The following LONP1 variants were observed in gnomAD, a reference collection of about 807,000 sequenced individuals.
LONP1 encodes lon protease homolog, mitochondrial.
A neutral mutation model predicts 98.5 loss-of-function variants in LONP1; 31 were observed. That is an observed-to-expected ratio of 0.31 (90% CI 0.24 to 0.42). LONP1 has a LOEUF of 0.42. LONP1 is among the 20% of genes least tolerant of loss of function. The pLI is 1.00. For missense variants in LONP1, 1,336 were observed against 1,350.6 expected, an observed-to-expected ratio of 0.99 and a Z score of 0.17; for synonymous variants, 781 against 594.7, an observed-to-expected ratio of 1.31 and a Z score of -4.56.
At chr19:5,694,294 G>A (rs2054884200) in intron 15 of LONP1, 93 bp downstream of exon 15, 10 of 1,522,366 alleles carry the variant, frequency 6.6e-6, no homozygotes, top group Non-Finnish European at 8.9e-6. Context: ...AGAGCCACCT[G>A]AGGCCCACTG....
At chr19:5,707,926 TA>T in intron 5 of LONP1, 100 bp from the exon 6 acceptor site, 1 of 1,404,992 alleles carries the variant, frequency 7.1e-7, no homozygotes, top group South Asian at 1.3e-5. Context: ...CTGTCCCCTG[TA>T]GCTATGGGCA....
chr19:5,701,034 C>G lies in LONP1; in HGVS notation c.1368-107G>C, dbSNP rs959684574. On this transcript the variant is annotated intron_variant, in intron 8 of 17. Coordinates refer to ENST00000360614, the MANE Select transcript of LONP1 (RefSeq NM_004793.4). ...AGGGGCTTGAAACCCATGTGTGGGG[C>G]TGAGCGCGGTGGCTCACGCCTGTAA... 3.1e-6 allele frequency: 4 copies of G among 1,311,416 alleles called. No homozygotes were observed. In the African/African-American group the frequency reaches 5.8e-5, roughly 19 times the overall value. The allele number at this position is 1,311,416 out of a possible 1,614,324, so 81.2% of individuals were successfully genotyped here.
At chr19:5,718,578 C>A (rs2055363005) in intron 1 of LONP1, among the ~76,000 whole-genome samples, 1 of 152,012 alleles carries the variant, frequency 6.6e-6, no homozygotes, top group Non-Finnish European at 1.5e-5. Context: ...CCCTTCCCAA[C>A]AGATCCTTGA....
chr19:5,693,913 C>T, intron 15 of LONP1, 144 bp from the exon 16 acceptor site: 2 of 694,366 alleles, frequency 2.9e-6, no homozygotes. Context: ...CCATCGTGAG[C>T]CAACGCTGGC....
intron 1 of LONP1, chr19:5,714,755 T>TTG (rs1314163626): frequency 1.3e-5 from 2 of 151,934 alleles, no homozygotes; most frequent in African/African-American, 4.9e-5. Context: ...GTAGCTGGGA[T>TTG]TACAGGCGCC....
Position 5,691,874 on chromosome 19 carries a change from CACTCTGATTAAGCCG to C in LONP1, c.*143_*157del. 1.2e-6 allele frequency: 1 copy of C among 843,950 alleles called. No individual in the cohort carries two copies. The highest frequency in any genetic ancestry group is 1.8e-6 in the Non-Finnish European group (1 of 553,618). The allele number at this position is 843,950 out of a possible 1,614,324, so 52.3% of individuals were successfully genotyped here. A position where few individuals can be genotyped will look rare whatever the true frequency, so the allele number is the denominator to read the frequency against. ...TAATCATTAAATAGCTTCTATGCCA[CACTCTGATTAAGCCG>C]ACTGAGGTCCCTGGGATCTGGGTCA... On this transcript the variant is annotated 3_prime_UTR_variant, in exon 18 of 18. Coordinates refer to ENST00000360614, the MANE Select transcript of LONP1 (RefSeq NM_004793.4).
intron 14 of LONP1, 52 bp from the exon 15 acceptor site, chr19:5,694,604 G>T (rs542849522): frequency 1.3e-6 from 2 of 1,516,600 alleles, no homozygotes; most frequent in Admixed American, 3.4e-5. Flanking sequence ...TGACAGGTGC[G>T]GGGTGGTGGG....
At chr19:5,693,972 G>A (rs938585396) in intron 15 of LONP1, among the ~76,000 whole-genome samples, 6 of 152,154 alleles carry the variant, frequency 3.9e-5, no homozygotes, top group African/African-American at 1.4e-4. Context: ...GCCCCACAGG[G>A]CAGCCCCCAG....
In LONP1 at chr19:5,691,955, C is replaced by G; in HGVS notation, c.*77G>C. 1 of 883,014 alleles carries G rather than the reference C, an allele frequency of 1.1e-6. No homozygotes were observed. Among genetic ancestry groups the G allele is most frequent in the Non-Finnish European group, 1.6e-6 (1 of 613,588 alleles). The allele number at this position is 883,014 out of a possible 1,614,324, so 54.7% of individuals were successfully genotyped here. A position where few individuals can be genotyped will look rare whatever the true frequency, so the allele number is the denominator to read the frequency against. Reference sequence around the variant, plus strand: ...CGCTCGGTGGCTCCACTGCCAGGTCCGGGCGCGCTCCCCACAGCGCTCAGT... The same window carrying G: ...CGCTCGGTGGCTCCACTGCCAGGTCGGGGCGCGCTCCCCACAGCGCTCAGT... On this transcript the variant is annotated 3_prime_UTR_variant, in exon 18 of 18. Transcript: ENST00000360614.
chr19:5,714,308 AG>A, intron 1 of LONP1, 37 bp from the exon 2 acceptor site: 2 of 1,454,490 alleles, frequency 1.4e-6, no homozygotes, highest in Non-Finnish European at 1.9e-6. Flanking sequence ...AATGCAGAGT[AG>A]ATTTTTTTTT....
At chr19:5,718,095 A>G (rs918131304) in intron 1 of LONP1, among the ~76,000 whole-genome samples, 4 of 152,088 alleles carry the variant, frequency 2.6e-5, no homozygotes, top group African/African-American at 9.7e-5. Context: ...AGCCAAAGGA[A>G]TAACTTGCTG....
intron 4 of LONP1, among the ~76,000 whole-genome samples, chr19:5,710,054 G>A (rs914450840): frequency 2.6e-5 from 4 of 151,410 alleles, no homozygotes; most frequent in African/African-American, 9.7e-5. Flanking sequence ...AGCTGCCCAG[G>A]ACAGTGTAGC....
chr19:5,700,126 T>G (rs1192380005), intron 9 of LONP1, among the ~76,000 whole-genome samples: 1 of 152,078 alleles, frequency 6.6e-6, no homozygotes, highest in East Asian at 2.0e-4. Context: ...TTTTTTTTCC[T>G]TTTTGAGACG....
intron 13 of LONP1, 93 bp downstream of exon 13, chr19:5,695,961 G>C: frequency 8.9e-7 from 1 of 1,128,558 alleles, no homozygotes. Context: ...TCTCTCCCGG[G>C]CCCAGGAGCT....
Position 5,696,704 on chromosome 19 carries a change from G to A in LONP1, c.1739C>T (p.Thr580Ile). Reference protein sequence around the residue: ...PGKIIQCLKKTKTENPLILID... With the variant: ...PGKIIQCLKKIKTENPLILID... ...GAGGATCAGGGGGTTCTCCGTCTTG[G>A]TCTTCTTCAAACACTGGATGATCTT... The change falls in exon 11 of 18, where the codon ACC becomes ATC. Residue 580 changes from threonine (T) to isoleucine (I), a missense_variant. Physicochemically the swap from Thr to Ile is moderately conservative, Grantham distance 89 (BLOSUM62 -1). This residue lies in a region of LONP1 where 555 missense variants were observed against 542.6 expected (regional missense o/e 1.02). Transcript: ENST00000360614. 6.2e-7 allele frequency: 1 copy of A among 1,613,640 alleles called. No individual in the cohort carries two copies. Among genetic ancestry groups the A allele is most frequent in the East Asian group, 2.2e-5 (1 of 44,884 alleles).
At position 5,696,068 on chromosome 19, in the gene LONP1, G is replaced by A. The variant is rs773650602; in HGVS notation, c.1999C>T (p.Leu667=). 3.1e-6 allele frequency: 5 copies of A among 1,612,486 alleles called. No individual in the cohort carries two copies. The African/African-American group carries it at 4.0e-5, about 13-fold the overall frequency. Residue 667 remains leucine, a synonymous_variant, in exon 13 of 18, where the codon CTG becomes TTG. Transcript: ENST00000360614. ...GCTGGGCTTACCTCCGCAATGGCCAGCTTCTCCTGGGCCACGTAGCCCGAC... is the reference window on the plus strand; with the variant it reads ...GCTGGGCTTACCTCCGCAATGGCCAACTTCTCCTGGGCCACGTAGCCCGAC... ...NVSGYVAQEK[L]AIAERYLVPQ...
chr19:5,699,280 C>T (rs1360361074), intron 9 of LONP1, 75 bp from the exon 10 acceptor site: 2 of 1,232,330 alleles, frequency 1.6e-6, no homozygotes, highest in Non-Finnish European at 2.2e-6. Flanking sequence ...TCGCCACCTG[C>T]ACACTGCCTT....
rs762467612 is a variant in LONP1, at chr19:5,691,943, C to T, written c.*89G>A. ...GACCGAGCTGCTCGCTCGGTGGCTC[C>T]ACTGCCAGGTCCGGGCGCGCTCCCC... On this transcript the variant is annotated 3_prime_UTR_variant, in exon 18 of 18. Coordinates refer to ENST00000360614, the MANE Select transcript of LONP1 (RefSeq NM_004793.4). 1.5e-5 allele frequency: 14 copies of T among 944,444 alleles called. No individual in the cohort carries two copies. The highest frequency in any genetic ancestry group is 3.0e-5 in the Admixed American group (1 of 33,416). The allele number at this position is 944,444 out of a possible 1,614,324, so 58.5% of individuals were successfully genotyped here.
chr19:5,716,257 T>TAC (rs1194107812), intron 1 of LONP1, among the ~76,000 whole-genome samples: 2 of 83,660 alleles, frequency 2.4e-5, no homozygotes, highest in East Asian at 7.2e-4. Context: ...AGTTAAAATA[T>TAC]ACATATATAT....
Sources: allele counts gnomAD v4.1 joint callset (sites outside exome capture counted in the v4.1 genomes callset), GRCh38; gene constraint gnomAD v4.1.1; regional missense constraint gnomAD v4.1.1; transcripts MANE v1.5; gene names NCBI Gene and HGNC (gene_info 2026-07-23, HGNC 2026-07-21).